RANBP9: variants seen among roughly 807,000 people sequenced by gnomAD.
The protein encoded by RANBP9 is RAN binding protein 9.
RANBP9 carries 15 observed loss-of-function variants against 84.3 expected under a neutral mutation model. That is an observed-to-expected ratio of 0.18 (90% CI 0.12 to 0.27). The LOEUF is 0.27. Ranked by LOEUF, RANBP9 falls within the 10% of genes least tolerant of loss-of-function variation. RANBP9 has a pLI of 1.00. For missense variants in RANBP9, 809 were observed against 912.8 expected (o/e 0.89, Z 1.46); for synonymous variants, 392 against 349.6 (o/e 1.12, Z -1.35).
At chr6:13,651,552 G>C (rs1283436709) in intron 5 of RANBP9, among the ~76,000 whole-genome samples, 1 of 151,462 alleles carries the variant, frequency 6.6e-6, no homozygotes, top group Non-Finnish European at 1.5e-5. Flanking sequence ...CCACCACCAC[G>C]CCCAGCTAAT....
At position 13,641,298 on chromosome 6, in the gene RANBP9, T is replaced by G; in HGVS notation, c.1235A>C (p.Lys412Thr). 6.3e-7 allele frequency: 1 copy of G among 1,593,356 alleles called. No homozygotes were observed. The highest frequency in any genetic ancestry group is 8.6e-7 in the Non-Finnish European group (1 of 1,168,080). The change falls in exon 8 of 14, where the codon AAA becomes ACA. Residue 412 changes from lysine (K) to threonine (T), a missense_variant. By Grantham distance (78) the Lys-to-Thr change is moderately conservative (BLOSUM62 -1). Around this residue, in one of 5 missense-constraint regions of RANBP9, gnomAD observed 216 missense variants for 329.0 expected, o/e 0.66. Transcript: ENST00000011619. Reference protein sequence around the residue: ...ASIKNRQRIQKLVLAGRMGEA... With the variant: ...ASIKNRQRIQTLVLAGRMGEA... ...TCCCATTCTTCCTGCTAATACCAAT[T>G]TCTGAATTCCTATTCAGTAAAAGAA...
At chr6:13,669,252 G>GC (rs1361763503) in intron 2 of RANBP9, among the ~76,000 whole-genome samples, 1 of 152,152 alleles carries the variant, frequency 6.6e-6, no homozygotes, top group Admixed American at 6.5e-5. Context: ...GACTCCCCAT[G>GC]CCATATTCAT....
At position 13,652,646 on chromosome 6, in the gene RANBP9, A is replaced by G. The variant is rs984948047; in HGVS notation, c.927+13T>C. ...AATTAAAAATGGAAAACTGCTTTTA[A>G]AAAAAGTCTTACCGGTAGGTCAGTG... is the stretch of plus-strand genomic sequence containing the variant. On this transcript the variant is annotated intron_variant, in intron 5 of 13. Coordinates refer to ENST00000011619, the MANE Select transcript of RANBP9 (RefSeq NM_005493.3). The G allele has an allele frequency of 8.9e-6, 14 of 1,575,556 alleles. No individual in the cohort carries two copies. The highest frequency in any genetic ancestry group is 1.4e-5 in the African/African-American group (1 of 73,026).
At chr6:13,692,766 T>C (rs533460800) in intron 2 of RANBP9, among the ~76,000 whole-genome samples, 3 of 151,962 alleles carry the variant, frequency 2.0e-5, no homozygotes, top group East Asian at 1.9e-4. Flanking sequence ...ACAGGCAGAA[T>C]TGCTTGAACC....
At chr6:13,700,992 C>T (rs975867734) in intron 1 of RANBP9, among the ~76,000 whole-genome samples, 5 of 152,060 alleles carry the variant, frequency 3.3e-5, no homozygotes, top group African/African-American at 9.7e-5. Flanking sequence ...GCAGAAACAC[C>T]GGTATCTTCC....
At position 13,622,110 on chromosome 6, in the gene RANBP9, C is replaced by A; in HGVS notation, c.*252G>T. On this transcript the variant is annotated 3_prime_UTR_variant, in exon 14 of 14. Coordinates refer to ENST00000011619, the MANE Select transcript of RANBP9 (RefSeq NM_005493.3). ...ATTGTTTTAAAGGATTTGTGATGAT[C>A]AATTTGAACGTCTGAAATTCAGTAA... The A allele has an allele frequency of 3.9e-6, 1 of 256,344 alleles. No homozygotes were observed. Among genetic ancestry groups the A allele is most frequent in the Non-Finnish European group, 7.1e-6 (1 of 140,940 alleles). 15.9% of individuals were successfully genotyped at this position (256,344 alleles called of 1,614,324 possible).
At chr6:13,626,061 A>G (rs536005478) in intron 12 of RANBP9, among the ~76,000 whole-genome samples, 1 of 152,342 alleles carries the variant, frequency 6.6e-6, no homozygotes, top group South Asian at 2.1e-4. Context: ...TGGTGTAGGG[A>G]GAGTGGAAGG....
At chr6:13,682,149 A>AC (rs1766058854) in intron 2 of RANBP9, among the ~76,000 whole-genome samples, 1 of 151,792 alleles carries the variant, frequency 6.6e-6, no homozygotes, top group Non-Finnish European at 1.5e-5. Flanking sequence ...GGCGTGAGCC[A>AC]CCGCACCTGG....
At chr6:13,636,756 C>T (rs1431165721) in intron 10 of RANBP9, among the ~76,000 whole-genome samples, 1 of 152,186 alleles carries the variant, frequency 6.6e-6, no homozygotes, top group African/African-American at 2.4e-5. Flanking sequence ...TGTGGTTCTC[C>T]ATTACAACTT....
chr6:13,632,688 A>G, intron 11 of RANBP9, 167 bp from the exon 12 acceptor site: 1 of 655,148 alleles, frequency 1.5e-6, no homozygotes, highest in Non-Finnish European at 2.5e-6. Context: ...ACTGCAGCTA[A>G]AAGATATACT....
At chr6:13,648,937 T>A (rs535945073) in intron 5 of RANBP9, among the ~76,000 whole-genome samples, 1 of 152,332 alleles carries the variant, frequency 6.6e-6, no homozygotes, top group East Asian at 1.9e-4. Context: ...TTAATGTCAT[T>A]TCTCAAACTG....
chr6:13,660,017 A>C (rs1765504962), intron 2 of RANBP9, among the ~76,000 whole-genome samples: 1 of 152,222 alleles, frequency 6.6e-6, no homozygotes. Context: ...TTTTATAATT[A>C]TTTAGGCATT....
At chr6:13,674,461 A>G (rs1765843856) in intron 2 of RANBP9, among the ~76,000 whole-genome samples, 1 of 152,226 alleles carries the variant, frequency 6.6e-6, no homozygotes, top group Non-Finnish European at 1.5e-5. Context: ...CAAACAAGAT[A>G]TAACAATCCT....
At chr6:13,678,959 T>C (rs1421180474) in intron 2 of RANBP9, among the ~76,000 whole-genome samples, 1 of 152,160 alleles carries the variant, frequency 6.6e-6, no homozygotes, top group Non-Finnish European at 1.5e-5. Flanking sequence ...AATCACCAGA[T>C]GATTATCTGC....
chr6:13,698,872 G>A (rs1471297880), intron 1 of RANBP9, among the ~76,000 whole-genome samples: 3 of 152,156 alleles, frequency 2.0e-5, no homozygotes, highest in Non-Finnish European at 1.5e-5. Context: ...CTGATCTAGT[G>A]TGAGCTCTGA....
At chr6:13,705,142 G>C (rs1308088587) in intron 1 of RANBP9, among the ~76,000 whole-genome samples, 1 of 152,050 alleles carries the variant, frequency 6.6e-6, no homozygotes, top group Non-Finnish European at 1.5e-5. Flanking sequence ...AGTGGTTCAC[G>C]CCTATAATCC....
chr6:13,707,625 A>G (rs1758159596), intron 1 of RANBP9, among the ~76,000 whole-genome samples: 1 of 152,224 alleles, frequency 6.6e-6, no homozygotes, highest in Non-Finnish European at 1.5e-5. Flanking sequence ...TGATTTACTC[A>G]TGACTGGGAA....
intron 12 of RANBP9, among the ~76,000 whole-genome samples, chr6:13,629,911 C>CG (rs1194069919): frequency 8.2e-4 from 102 of 125,066 alleles, no homozygotes; most frequent in Middle Eastern, 7.6e-3. Context: ...CTCTCTCTCT[C>CG]TCTCTCTCTC....
intron 2 of RANBP9, among the ~76,000 whole-genome samples, chr6:13,662,267 T>C (rs1765552012): frequency 1.3e-5 from 2 of 152,062 alleles, no homozygotes; most frequent in African/African-American, 4.8e-5. Flanking sequence ...ACAAAAAATA[T>C]CCATGCTCAA....
Sources: gnomAD v4.1 joint callset for allele counts (sites outside exome capture counted in the v4.1 genomes callset) on GRCh38, gnomAD v4.1.1 for gene constraint, gnomAD v4.1.1 regional missense constraint, MANE v1.5 for transcripts, NCBI Gene and HGNC (gene_info 2026-07-23, HGNC 2026-07-21) for gene names.